Variants in CTNNA3 observed in about 807,000 individuals in gnomAD.
The protein encoded by CTNNA3 is catenin alpha 3, also known as catenin alpha-3.
A neutral mutation model predicts 95.7 loss-of-function variants in CTNNA3; 76 were observed. That is an observed-to-expected ratio of 0.79 (90% CI 0.66 to 0.96). CTNNA3 has a LOEUF of 0.96. CTNNA3 is among the 40% of genes least tolerant of loss of function. The probability of loss-of-function intolerance (pLI) is 0.00; values close to 1 mark genes in which losing one functional copy is unlikely to be tolerated. For missense variants in CTNNA3, 1,191 were observed against 1,089.8 expected (o/e 1.09, Z -1.31); for synonymous variants, 431 against 374.4 (o/e 1.15, Z -1.74).
At chr10:67,756,405 T>C (rs567441303) in intron 1 of CTNNA3, among the ~76,000 whole-genome samples, 21 of 152,270 alleles carry the variant, frequency 1.4e-4, no homozygotes, top group African/African-American at 5.1e-4. Flanking sequence ...TATTTACAAA[T>C]CATGTATTAA....
chr10:66,055,225 C>T (rs917242919), intron 15 of CTNNA3, among the ~76,000 whole-genome samples: 1 of 151,986 alleles, frequency 6.6e-6, no homozygotes, highest in Non-Finnish European at 1.5e-5. Flanking sequence ...GTTCCATATA[C>T]ATTTTAGGAT....
At chr10:65,998,796 T>A (rs1414669362) in intron 15 of CTNNA3, among the ~76,000 whole-genome samples, 3 of 152,166 alleles carry the variant, frequency 2.0e-5, no homozygotes, top group Non-Finnish European at 4.4e-5. Context: ...AAAGTCTTTG[T>A]TCACTAAGAA....
rs116467892 is a variant in CTNNA3 at position 66,504,250 on chromosome 10, T to G, written c.1531+16367A>C. Among the ~76,000 whole-genome samples, 1,008 of 152,292 alleles carry G rather than the reference T, an allele frequency of 6.6e-3. 13 individuals carry two copies. Among genetic ancestry groups the G allele is most frequent in the African/African-American group, 0.023 (963 of 41,574 alleles). On this transcript the variant is annotated intron_variant, in intron 11 of 17. Coordinates refer to ENST00000433211, the MANE Select transcript of CTNNA3 (RefSeq NM_013266.4). ...CCTTGGTAACCACTATTCTACTCCC[T>G]GCTTCTATGAGTTAGACTTTTTAGG...
chr10:66,613,075 A>G (rs1298982976), intron 10 of CTNNA3, among the ~76,000 whole-genome samples: 2 of 152,106 alleles, frequency 1.3e-5, no homozygotes. Flanking sequence ...CACAGCACAC[A>G]CCATGATTAT....
At chr10:66,680,321 C>T (rs1051312654) in intron 9 of CTNNA3, among the ~76,000 whole-genome samples, 1 of 152,076 alleles carries the variant, frequency 6.6e-6, no homozygotes, top group Non-Finnish European at 1.5e-5. Context: ...TCAGCCACCA[C>T]ACCTGGCCAG....
At chr10:66,832,186 A>C (rs1488584940) in intron 7 of CTNNA3, among the ~76,000 whole-genome samples, 2 of 152,250 alleles carry the variant, frequency 1.3e-5, no homozygotes, top group Non-Finnish European at 2.9e-5. Flanking sequence ...TCATTTTGGC[A>C]GAAAAAATGA....
intron 12 of CTNNA3, among the ~76,000 whole-genome samples, chr10:66,360,650 TCTTTCTTTCTTCCTTC>T (rs1468802680): frequency 0.019 from 1,321 of 68,782 alleles, 11 homozygotes; most frequent in African/African-American, 0.026. Context: ...TTTCTTTCTT[TCTTTCTTTCTTCCTTC>T]CTTCCTTCCT....
intron 11 of CTNNA3, among the ~76,000 whole-genome samples, chr10:66,438,068 A>G (rs1038610585): frequency 5.9e-5 from 9 of 152,058 alleles, no homozygotes; most frequent in African/African-American, 2.2e-4. Context: ...CTTCCTCTGG[A>G]AGCTTTATTC....
At chr10:66,303,168 A>G (rs1260755084) in intron 12 of CTNNA3, among the ~76,000 whole-genome samples, 5 of 152,164 alleles carry the variant, frequency 3.3e-5, no homozygotes, top group African/African-American at 1.2e-4. Flanking sequence ...AACACTAACA[A>G]CACTTCTCTT....
intron 1 of CTNNA3, among the ~76,000 whole-genome samples, chr10:67,710,798 A>G (rs1004317878): frequency 6.6e-6 from 1 of 152,154 alleles, no homozygotes; most frequent in East Asian, 1.9e-4. Context: ...CCTGACTGGG[A>G]TAGAATAGTG....
At chr10:67,659,169 C>G (rs569145841) in intron 1 of CTNNA3, among the ~76,000 whole-genome samples, 6 of 152,158 alleles carry the variant, frequency 3.9e-5, no homozygotes, top group African/African-American at 1.4e-4. Context: ...ACAACAGATT[C>G]TACTTATATT....
intron 7 of CTNNA3, among the ~76,000 whole-genome samples, chr10:66,780,423 G>A (rs1840484548): frequency 6.6e-6 from 1 of 152,102 alleles, no homozygotes; most frequent in African/African-American, 2.4e-5. Flanking sequence ...ACCTGGGTAG[G>A]AGGATGACTG....
intron 7 of CTNNA3, among the ~76,000 whole-genome samples, chr10:66,856,384 T>C (rs535469371): frequency 6.6e-6 from 1 of 152,052 alleles, no homozygotes; most frequent in Non-Finnish European, 1.5e-5. Context: ...TGTGTGCATG[T>C]GTCTTTATGG....
At chr10:67,361,420 C>T (rs1255251825) in intron 5 of CTNNA3, among the ~76,000 whole-genome samples, 1 of 152,116 alleles carries the variant, frequency 6.6e-6, no homozygotes, top group Non-Finnish European at 1.5e-5. Flanking sequence ...AACATACCAA[C>T]CATACTCTTG....
chr10:66,908,751 G>A lies in CTNNA3; in HGVS notation c.1048-133227C>T, dbSNP rs947077428. On this transcript the variant is annotated intron_variant, in intron 7 of 17. Transcript: ENST00000433211. The stretch of plus-strand genomic sequence containing the variant: ...CTTAATTCAGGTTTTTCCCCTGTAA[G>A]TTGAGTCTGGATAGTGCCATTTTTA... Among the ~76,000 whole-genome samples, 6 of 152,132 alleles carry A rather than the reference G, an allele frequency of 3.9e-5. No homozygotes were observed. The East Asian group carries it at 1.2e-3, about 29-fold the overall frequency.
intron 9 of CTNNA3, among the ~76,000 whole-genome samples, chr10:66,691,576 A>C (rs943610270): frequency 7.9e-5 from 12 of 152,186 alleles, no homozygotes; most frequent in African/African-American, 2.9e-4. Context: ...GCAGACTTAA[A>C]TGTCCCTCTC....
intron 15 of CTNNA3, among the ~76,000 whole-genome samples, chr10:66,068,491 T>A (rs959593076): frequency 2.2e-4 from 34 of 152,198 alleles, no homozygotes; most frequent in Admixed American, 6.6e-4. Context: ...CCATTAATTA[T>A]GATTTTAAAA....
chr10:66,393,990 T>A (rs890651481), intron 11 of CTNNA3, among the ~76,000 whole-genome samples: 5 of 152,028 alleles, frequency 3.3e-5, no homozygotes, highest in African/African-American at 1.2e-4. Flanking sequence ...TCCAAATGTA[T>A]AATGGGAAGG....
intron 3 of CTNNA3, among the ~76,000 whole-genome samples, chr10:67,577,704 G>A (rs138177776): frequency 1.1e-5 from 1 of 88,660 alleles, no homozygotes; most frequent in African/African-American, 1.2e-4. Flanking sequence ...ACACACATAT[G>A]TGTGTGTGTG....
Sources: allele counts gnomAD v4.1 joint callset (sites outside exome capture counted in the v4.1 genomes callset), GRCh38; gene constraint gnomAD v4.1.1; transcripts MANE v1.5; gene names NCBI Gene and HGNC (gene_info 2026-07-23, HGNC 2026-07-21).